Variants in PRKN observed in about 807,000 individuals in gnomAD.
PRKN encodes the protein parkin RBR E3 ubiquitin protein ligase, also known as E3 ubiquitin-protein ligase parkin.
A neutral mutation model predicts 59.5 loss-of-function variants in PRKN; 56 were observed. The observed-to-expected ratio is 0.94, with a 90% CI of 0.76 to 1.18. The LOEUF (loss-of-function observed/expected upper bound fraction) is 1.18, where lower values mean the gene tolerates loss of function less well. PRKN is among the 50% of genes most tolerant of loss of function. The pLI is 0.00. For synonymous variants in PRKN, 250 were observed against 222.1 expected, an observed-to-expected ratio of 1.13 and a Z score of -1.12; for missense variants, 657 against 596.4, an observed-to-expected ratio of 1.10 and a Z score of -1.06.
intron 5 of PRKN, among the ~76,000 whole-genome samples, chr6:161,975,685 T>G (rs1781001873): frequency 6.6e-6 from 1 of 152,112 alleles, no homozygotes; most frequent in South Asian, 2.1e-4. Context: ...ATTTCTGGGA[T>G]GGCATCAAGA....
At chr6:161,636,674 G>A (rs1291157170) in intron 7 of PRKN, among the ~76,000 whole-genome samples, 3 of 152,152 alleles carry the variant, frequency 2.0e-5, no homozygotes, top group African/African-American at 7.2e-5. Flanking sequence ...CAGGATGATC[G>A]CTTGAGGCAG....
chr6:162,422,878 A>G (rs1789045612), intron 2 of PRKN, among the ~76,000 whole-genome samples: 1 of 146,020 alleles, frequency 6.8e-6, no homozygotes, highest in African/African-American at 2.5e-5. Flanking sequence ...CCCGGGAGGC[A>G]GAGGTTGCAG....
chr6:162,037,979 C>G (rs1301394933), intron 5 of PRKN, among the ~76,000 whole-genome samples: 1 of 148,340 alleles, frequency 6.7e-6, no homozygotes, highest in African/African-American at 2.5e-5. Context: ...TTAAATTACA[C>G]ATCTAGTATG....
chr6:162,319,642 T>G (rs1400755398), intron 2 of PRKN, among the ~76,000 whole-genome samples: 3 of 152,038 alleles, frequency 2.0e-5, no homozygotes, highest in African/African-American at 7.2e-5. Flanking sequence ...GGAAAATACA[T>G]TATTTCAAAT....
intron 6 of PRKN, among the ~76,000 whole-genome samples, chr6:161,834,734 G>A (rs373050284): frequency 2.6e-5 from 4 of 152,238 alleles, no homozygotes; most frequent in African/African-American, 9.6e-5. Context: ...GAGGGTTTCA[G>A]AGAATGCAAG....
At chr6:162,469,489 GGTATGTGTGTGTGTGT>G (rs1791614533) in intron 1 of PRKN, among the ~76,000 whole-genome samples, 1 of 125,256 alleles carries the variant, frequency 8.0e-6, no homozygotes, top group African/African-American at 3.1e-5. Context: ...AAGAAACTGT[GGTATGTGTGTGTGTGT>G]GTATACACAC....
chr6:162,098,579 G>A (rs946960237), intron 4 of PRKN, among the ~76,000 whole-genome samples: 12 of 152,148 alleles, frequency 7.9e-5, no homozygotes, highest in African/African-American at 2.9e-4. Flanking sequence ...ACATTTATTT[G>A]TAGTTTACTG....
intron 3 of PRKN, among the ~76,000 whole-genome samples, chr6:162,238,704 G>C (rs975070799): frequency 6.6e-6 from 1 of 152,148 alleles, no homozygotes; most frequent in Non-Finnish European, 1.5e-5. Context: ...TTGTGACCTA[G>C]AATATTCTGT....
At chr6:162,706,502 T>TA (rs1274832318) in intron 1 of PRKN, among the ~76,000 whole-genome samples, 1 of 152,142 alleles carries the variant, frequency 6.6e-6, no homozygotes, top group African/African-American at 2.4e-5. Flanking sequence ...AGGAAAGAAA[T>TA]AAGAGAATTG....
At chr6:161,830,983 A>G (rs1174127884) in intron 6 of PRKN, among the ~76,000 whole-genome samples, 1 of 152,134 alleles carries the variant, frequency 6.6e-6, no homozygotes, top group African/African-American at 2.4e-5. Flanking sequence ...TCAAAAACAC[A>G]GGCTGGCCAA....
chr6:162,709,391 T>A (rs75242304), intron 1 of PRKN, among the ~76,000 whole-genome samples: 1 of 126,536 alleles, frequency 7.9e-6, no homozygotes, highest in East Asian at 2.2e-4. Context: ...TTTTTTTTTT[T>A]AATAACCTGG....
intron 2 of PRKN, among the ~76,000 whole-genome samples, chr6:162,282,131 G>T (rs1374137241): frequency 1.3e-5 from 2 of 152,152 alleles, no homozygotes; most frequent in Non-Finnish European, 2.9e-5. Flanking sequence ...GGCGCCACGG[G>T]GGTTGGAGAC....
chr6:162,579,174 T>C (rs1780680492), intron 1 of PRKN, among the ~76,000 whole-genome samples: 1 of 152,180 alleles, frequency 6.6e-6, no homozygotes, highest in Admixed American at 6.5e-5. Context: ...CCTCCAATCC[T>C]GCGACTCCCA....
intron 2 of PRKN, among the ~76,000 whole-genome samples, chr6:162,346,720 T>C (rs529928648): frequency 2.0e-5 from 3 of 152,186 alleles, no homozygotes; most frequent in Admixed American, 6.5e-5. Flanking sequence ...AAATACTTTT[T>C]CAGCATCTAC....
intron 2 of PRKN, among the ~76,000 whole-genome samples, chr6:162,330,387 A>G (rs1476832041): frequency 6.6e-6 from 1 of 152,152 alleles, no homozygotes; most frequent in African/African-American, 2.4e-5. Context: ...AGCAATAAAA[A>G]ATTTTATTCT....
rs147372465 is a variant in PRKN at position 161,409,596 on chromosome 6, T to A, written c.1084-22719A>T. Among the ~76,000 whole-genome samples, 6 of 152,194 alleles carry A rather than the reference T, an allele frequency of 3.9e-5. No homozygotes were observed. Among genetic ancestry groups the A allele is most frequent in the Non-Finnish European group, 8.8e-5 (6 of 68,038 alleles). ...TAGATTGCCAGAATGTTCAGTGGAATCACATAAGGCCGTCACTATAAAAAT... is the reference window on the plus strand; with the variant it reads ...TAGATTGCCAGAATGTTCAGTGGAAACACATAAGGCCGTCACTATAAAAAT... On this transcript the variant is annotated intron_variant, in intron 9 of 11. Transcript: ENST00000366898. The surrounding 1 kb of genome is among the most constrained non-coding windows in gnomAD (Gnocchi z 4.6).
chr6:161,796,660 T>TA (rs1304434986), intron 6 of PRKN, among the ~76,000 whole-genome samples: 1 of 152,156 alleles, frequency 6.6e-6, no homozygotes, highest in East Asian at 1.9e-4. Flanking sequence ...TGCTCAAAAT[T>TA]ACGTTTATAA....
rs529225396 is a variant in PRKN, at chr6:161,590,130, G to A, written c.872-20714C>T. Among the ~76,000 whole-genome samples, 17 of 152,056 alleles carry A rather than the reference G, an allele frequency of 1.1e-4. No homozygotes were observed. The South Asian group carries it at 3.1e-3, about 28-fold the overall frequency. On this transcript the variant is annotated intron_variant, in intron 7 of 11. Coordinates refer to ENST00000366898, the MANE Select transcript of PRKN (RefSeq NM_004562.3). ...GAAATGCAATTATAATTTTATTTAG[G>A]ATATATTTTACATCTAATTAAATAA...
intron 1 of PRKN, among the ~76,000 whole-genome samples, chr6:162,579,593 G>A (rs973008493): frequency 4.6e-5 from 7 of 150,750 alleles, no homozygotes; most frequent in Admixed American, 6.6e-5. Context: ...AAGTTCACAC[G>A]TGCACAGATT....
Sources: allele counts gnomAD v4.1 joint callset (sites outside exome capture counted in the v4.1 genomes callset), GRCh38; gene constraint gnomAD v4.1.1; non-coding constraint Gnocchi (gnomAD v3.1); transcripts MANE v1.5; gene names NCBI Gene and HGNC (gene_info 2026-07-23, HGNC 2026-07-21).